AOPEP: variants seen among roughly 807,000 people sequenced by gnomAD.
AOPEP encodes aminopeptidase O.
In AOPEP, 77 loss-of-function variants were observed where a neutral mutation model predicts 98.1. The ratio of observed to expected loss-of-function variants is 0.78; its 90% CI spans 0.65 to 0.95. AOPEP has a LOEUF of 0.95. Ranked by LOEUF, AOPEP falls within the 40% of genes least tolerant of loss-of-function variation. The pLI, the probability that AOPEP is intolerant of heterozygous loss-of-function variation, is 0.00. For missense variants in AOPEP, 1,024 were observed against 1,024.7 expected (o/e 1.00, Z 0.01); for synonymous variants, 346 against 365.3 (o/e 0.95, Z 0.60).
chr9:95,053,572 A>G (rs1203436869), intron 13 of AOPEP, among the ~76,000 whole-genome samples: 1 of 152,234 alleles, frequency 6.6e-6, no homozygotes, highest in Non-Finnish European at 1.5e-5. Flanking sequence ...ATGTATAACT[A>G]GAATTGGAGC....
chr9:94,890,211 GT>G (rs531372863), intron 5 of AOPEP, among the ~76,000 whole-genome samples: 6 of 144,968 alleles, frequency 4.1e-5, no homozygotes, highest in Non-Finnish European at 7.6e-5. Flanking sequence ...TGGTTTTTTT[GT>G]TTTTTTTTGA....
At chr9:94,967,861 T>C in intron 10 of AOPEP, 60 bp downstream of exon 10, 1 of 1,361,166 alleles carries the variant, frequency 7.3e-7, no homozygotes, top group Non-Finnish European at 1.1e-6. Context: ...AAAAATGACA[T>C]TGCCATTGGT....
chr9:95,136,883 G>A, the AOPEP span, among the ~76,000 whole-genome samples: 1 of 152,244 alleles, frequency 6.6e-6, no homozygotes, highest in African/African-American at 2.4e-5. Flanking sequence ...TCCCTGGAGG[G>A]AGCATGAGGG....
At chr9:94,888,468 A>G (rs1412334336) in intron 5 of AOPEP, among the ~76,000 whole-genome samples, 4 of 152,156 alleles carry the variant, frequency 2.6e-5, no homozygotes, top group Non-Finnish European at 4.4e-5. Context: ...AAACCAGCAA[A>G]TTCACATTGG....
At chr9:95,124,151 T>C in the AOPEP span, among the ~76,000 whole-genome samples, 1 of 143,736 alleles carries the variant, frequency 7.0e-6, no homozygotes, top group Non-Finnish European at 1.5e-5. Context: ...GGCTAAAACC[T>C]GAGAGATCTA....
chr9:94,775,063 A>G (rs1249908410), intron 3 of AOPEP, among the ~76,000 whole-genome samples: 1 of 152,136 alleles, frequency 6.6e-6, no homozygotes, highest in Non-Finnish European at 1.5e-5. Flanking sequence ...TATATTTATG[A>G]AAAGCATTGC....
intron 13 of AOPEP, among the ~76,000 whole-genome samples, chr9:95,030,002 C>G (rs1350201640): frequency 6.6e-6 from 1 of 152,156 alleles, no homozygotes; most frequent in African/African-American, 2.4e-5. Context: ...ATAAAGTAAC[C>G]AAGCTTTGTT....
intron 1 of AOPEP, among the ~76,000 whole-genome samples, chr9:94,754,831 A>G (rs1036224769): frequency 6.6e-6 from 1 of 152,186 alleles, no homozygotes; most frequent in African/African-American, 2.4e-5. Flanking sequence ...AAGGAGAATG[A>G]AATTGTTTTC....
chr9:94,801,731 G>A (rs1848261340), intron 5 of AOPEP, among the ~76,000 whole-genome samples: 1 of 152,114 alleles, frequency 6.6e-6, no homozygotes, highest in Non-Finnish European at 1.5e-5. Context: ...GAATGTACTT[G>A]GTTATATTTC....
intron 5 of AOPEP, among the ~76,000 whole-genome samples, chr9:94,805,247 G>A (rs534525010): frequency 1.8e-3 from 275 of 152,040 alleles, no homozygotes; most frequent in African/African-American, 6.3e-3. Flanking sequence ...TGGCTTAGCA[G>A]CTGCTGTTCT....
intron 7 of AOPEP, among the ~76,000 whole-genome samples, chr9:94,929,669 T>C (rs2054973122): frequency 1.3e-5 from 2 of 152,364 alleles, no homozygotes; most frequent in South Asian, 2.1e-4. Flanking sequence ...CCAATGCTGA[T>C]TGATCCAGGC....
the AOPEP span, among the ~76,000 whole-genome samples, chr9:95,095,720 C>T: frequency 1.3e-5 from 2 of 152,118 alleles, no homozygotes; most frequent in East Asian, 1.9e-4. Flanking sequence ...CATGGAAGTC[C>T]GCAGGGATGC....
In AOPEP at chr9:94,979,360, T is replaced by C. The variant is rs1197530302; in HGVS notation, c.1917-7T>C. On this transcript the variant is annotated splice_polypyrimidine_tract_variant and splice_region_variant and intron_variant, in intron 10 of 16. Transcript: ENST00000375315. ...ATCCTTTACTTTTTGTTGTTTTATT[T>C]CTAAAGGCTTGAGCTGTCTGTTGAA... The C allele has an allele frequency of 1.3e-6, 2 of 1,590,554 alleles. No homozygotes were observed. The highest frequency in any genetic ancestry group is 1.7e-6 in the Non-Finnish European group (2 of 1,162,870).
chr9:95,136,173 T>C, the AOPEP span, among the ~76,000 whole-genome samples: 3 of 152,208 alleles, frequency 2.0e-5, no homozygotes, highest in Non-Finnish European at 4.4e-5. Context: ...GAAGGATCAC[T>C]TGAGCCCAGG....
At chr9:94,792,098 T>C (rs1845856161) in intron 3 of AOPEP, among the ~76,000 whole-genome samples, 1 of 152,224 alleles carries the variant, frequency 6.6e-6, no homozygotes, top group Non-Finnish European at 1.5e-5. Flanking sequence ...CCTGGTCCTG[T>C]TACAAACTAG....
chr9:95,032,214 C>T (rs1428066192), intron 13 of AOPEP, among the ~76,000 whole-genome samples: 2 of 152,180 alleles, frequency 1.3e-5, no homozygotes, highest in Non-Finnish European at 2.9e-5. Flanking sequence ...CTGCTTCTGG[C>T]CCTTCCTTTT....
chr9:94,960,878 G>GT (rs1268820770), intron 9 of AOPEP, among the ~76,000 whole-genome samples: 2 of 152,046 alleles, frequency 1.3e-5, no homozygotes, highest in Non-Finnish European at 2.9e-5. Context: ...CGGGCGCGGT[G>GT]GGGGGCGCCT....
At position 94,820,801 on chromosome 9, in the gene AOPEP, C is replaced by T. The variant is rs72746561; in HGVS notation, c.1364+19799C>T. Reference sequence around the variant, plus strand: ...AAGCAGTAGAATATCAGCACTTTTGCGTAGCTCACTGATATTTAGAGAAAC... The same window carrying T: ...AAGCAGTAGAATATCAGCACTTTTGTGTAGCTCACTGATATTTAGAGAAAC... On this transcript the variant is annotated intron_variant, in intron 5 of 16. Coordinates refer to ENST00000375315, the MANE Select transcript of AOPEP (RefSeq NM_001193329.3). Among the ~76,000 whole-genome samples, 799 of 152,256 alleles carry T rather than the reference C, an allele frequency of 5.2e-3. 11 individuals carry two copies. The highest frequency in any genetic ancestry group is 0.044 in the South Asian group (210 of 4,824).
rs571563486 is a variant in AOPEP, at chr9:94,870,613, A to G, written c.1365-53373A>G. 7.2e-5 allele frequency among the ~76,000 whole-genome samples: 11 copies of G among 152,308 alleles called. No individual in the cohort carries two copies. The South Asian group carries it at 2.3e-3, about 32-fold the overall frequency. On this transcript the variant is annotated intron_variant, in intron 5 of 16. Transcript: ENST00000375315. ...ATATTCCAGTAAGCCAAGCTTGCTG[A>G]TGCTACAGTTTAGCAGTGAGCCAGC...
Sources: gnomAD v4.1 joint callset for allele counts (sites outside exome capture counted in the v4.1 genomes callset) on GRCh38, gnomAD v4.1.1 for gene constraint, MANE v1.5 for transcripts, NCBI Gene and HGNC (gene_info 2026-07-23, HGNC 2026-07-21) for gene names.